PTPRB: variants seen among roughly 807,000 people sequenced by gnomAD.
PTPRB encodes receptor-type tyrosine-protein phosphatase beta.
Under a neutral mutation model 238.1 loss-of-function variants are expected in PTPRB, and 97 were observed. The ratio of observed to expected loss-of-function variants is 0.41; its 90% CI spans 0.35 to 0.48. The LOEUF (loss-of-function observed/expected upper bound fraction) is 0.48, where lower values mean the gene tolerates loss of function less well. PTPRB is among the 20% of genes least tolerant of loss of function. PTPRB has a pLI of 0.30. For missense variants in PTPRB, 2,292 were observed against 2,681.9 expected, an observed-to-expected ratio of 0.85 and a Z score of 3.21; for synonymous variants, 970 against 995.4, an observed-to-expected ratio of 0.97 and a Z score of 0.48.
In PTPRB at chr12:70,538,984, A is replaced by G. The variant is rs1210367873; in HGVS notation, c.5809T>C (p.Cys1937Arg). The change falls in exon 27 of 34, where the codon TGT becomes CGT. Residue 1937 changes from cysteine to arginine, a missense_variant. This residue lies in a region of PTPRB where 397 missense variants were observed against 502.0 expected (regional missense o/e 0.79). Transcript: ENST00000334414. ...ELKDVGRNQS[C>R]DIALLPENRG... is the part of the protein sequence containing the mutation. ...TTCTCCGGCAAGAGTGCAATGTCACATGACTGGTTTCGGCCCACGTCTTTT... is the reference window on the plus strand; with the variant it reads ...TTCTCCGGCAAGAGTGCAATGTCACGTGACTGGTTTCGGCCCACGTCTTTT... The G allele has an allele frequency of 6.2e-7, 1 of 1,613,756 alleles. No homozygotes were observed. The highest frequency in any genetic ancestry group is 8.5e-7 in the Non-Finnish European group (1 of 1,179,842).
intron 9 of PTPRB, among the ~76,000 whole-genome samples, chr12:70,586,723 G>C (rs1881949512): frequency 6.6e-6 from 1 of 152,054 alleles, no homozygotes; most frequent in African/African-American, 2.4e-5. Flanking sequence ...TCCTCTTCTA[G>C]ATGCTGCCCT....
At chr12:70,629,067 G>GA (rs1885327480) in intron 2 of PTPRB, among the ~76,000 whole-genome samples, 1 of 151,444 alleles carries the variant, frequency 6.6e-6, no homozygotes, top group Non-Finnish European at 1.5e-5. Flanking sequence ...ATTTATTCAG[G>GA]AAGAAGAAGT....
At chr12:70,574,839 G>A (rs1214098946) in intron 11 of PTPRB, among the ~76,000 whole-genome samples, 1 of 152,180 alleles carries the variant, frequency 6.6e-6, no homozygotes, top group African/African-American at 2.4e-5. Context: ...AGGATGCACT[G>A]AATAAAGAAT....
chr12:70,537,203 C>T (rs545389366), intron 28 of PTPRB, among the ~76,000 whole-genome samples: 12 of 142,248 alleles, frequency 8.4e-5, no homozygotes, highest in Non-Finnish European at 1.8e-4. Flanking sequence ...AGGAGAATGG[C>T]GTGAACCCGG....
chr12:70,536,872 T>C (rs1181158517), intron 28 of PTPRB, among the ~76,000 whole-genome samples: 2 of 152,208 alleles, frequency 1.3e-5, no homozygotes, highest in African/African-American at 4.8e-5. Context: ...CTGAGCCTTC[T>C]TTTATCTTTC....
chr12:70,590,074 G>A lies in PTPRB; in HGVS notation c.1940C>T (p.Thr647Ile). The A allele has an allele frequency of 6.2e-7, 1 of 1,613,912 alleles. No homozygotes were observed. The change falls in exon 8 of 34, where the codon ACA becomes ATA. Residue 647 changes from threonine to isoleucine, a missense_variant. This residue lies in a region of PTPRB where 1,205 missense variants were observed against 1,287.8 expected (regional missense o/e 0.94). Coordinates refer to ENST00000334414, the MANE Select transcript of PTPRB (RefSeq NM_001109754.4). ...CCCCGTGTCATCCATGACATACTGT[G>A]TTTCTTCCTTTCCCACAGTGATGTT... ...LLNITVGKEE[T>I]QYVMDDTGLV...
Position 70,566,598 on chromosome 12 carries a change from C to T in PTPRB, c.3741G>A (p.Leu1247=), listed in dbSNP as rs1326816586. 5.0e-6 allele frequency: 8 copies of T among 1,613,856 alleles called. No homozygotes were observed. The African/African-American group carries it at 5.3e-5, about 11-fold the overall frequency. ...AAGVAERYDI[L]LLTENGILLR... Reference sequence around the variant, plus strand: ...GAAGGATTCCATTTTCAGTTAGAAGCAGGATATCATATCTTTCTGCCACAC... The same window carrying T: ...GAAGGATTCCATTTTCAGTTAGAAGTAGGATATCATATCTTTCTGCCACAC... The change falls in exon 15 of 34, where the codon CTG becomes CTA. Residue 1247 remains leucine (L), a synonymous_variant. Coordinates refer to ENST00000334414, the MANE Select transcript of PTPRB (RefSeq NM_001109754.4).
intron 2 of PTPRB, among the ~76,000 whole-genome samples, chr12:70,626,377 G>A (rs985724494): frequency 1.4e-5 from 2 of 141,384 alleles, no homozygotes; most frequent in African/African-American, 2.8e-5. Flanking sequence ...ATTCCTGCCT[G>A]CCTGCCTGCC....
chr12:70,567,994 T>G (rs1242113529), intron 14 of PTPRB, among the ~76,000 whole-genome samples: 2 of 152,114 alleles, frequency 1.3e-5, no homozygotes. Context: ...CCGGCCTTTA[T>G]TCTAGTATAC....
At position 70,622,565 on chromosome 12, in the gene PTPRB, G is replaced by A; in HGVS notation, c.533C>T (p.Pro178Leu). ...PQILTTFNAVPDGLVFLIRNT... is the reference protein window; with the variant it reads ...PQILTTFNAVLDGLVFLIRNT... ...CCTAATAAGGAATACCAGGCCATCT[G>A]GAACTGCATTAAAGGTAGTGAGAAT... The change falls in exon 3 of 34, where the codon CCA (proline) becomes CTA (leucine). Residue 178 changes from proline to leucine, a missense_variant. Physicochemically the swap from Pro to Leu is moderately conservative, Grantham distance 98 (BLOSUM62 -3). Coordinates refer to ENST00000334414, the MANE Select transcript of PTPRB (RefSeq NM_001109754.4). 6.2e-7 allele frequency: 1 copy of A among 1,601,390 alleles called. No individual in the cohort carries two copies. The highest frequency in any genetic ancestry group is 8.5e-7 in the Non-Finnish European group (1 of 1,173,360).
At position 70,518,261 on chromosome 12, in the gene PTPRB, C is replaced by T. The variant is rs1871342066; in HGVS notation, c.*3228G>A. ...CAGCCTGGCCAACATGGTGAAACCC[C>T]ATCTCTACTAAAAACACAAAAATTA... On this transcript the variant is annotated 3_prime_UTR_variant, in exon 34 of 34. Transcript: ENST00000334414. 6.6e-6 allele frequency: 1 copy of T among 152,116 alleles called. No homozygotes were observed. Among genetic ancestry groups the T allele is most frequent in the Non-Finnish European group, 1.5e-5 (1 of 68,078 alleles). The allele number at this position is 152,116 out of a possible 1,614,324, so 9.4% of individuals were successfully genotyped here. A position where few individuals can be genotyped will look rare whatever the true frequency, so the allele number is the denominator to read the frequency against.
Position 70,521,063 on chromosome 12 carries a change from A to ATT in PTPRB, c.*424_*425dup, listed in dbSNP as rs1381773308. 1.3e-5 allele frequency: 2 copies of ATT among 155,966 alleles called. No individual in the cohort carries two copies. Among genetic ancestry groups the ATT allele is most frequent in the African/African-American group, 4.8e-5 (2 of 41,534 alleles). The allele number at this position is 155,966 out of a possible 1,614,324, so 9.7% of individuals were successfully genotyped here. ...GCAATGCAGCAAATCTAGCCATAGTATTTGCTCTCTCTAGCCCTGCCCTTT... is the reference window on the plus strand; with the variant it reads ...GCAATGCAGCAAATCTAGCCATAGTATTTTTGCTCTCTCTAGCCCTGCCCTTT... On this transcript the variant is annotated 3_prime_UTR_variant, in exon 34 of 34. Coordinates refer to ENST00000334414, the MANE Select transcript of PTPRB (RefSeq NM_001109754.4).
chr12:70,631,248 C>A (rs975352741), intron 2 of PTPRB, among the ~76,000 whole-genome samples: 2,113 of 152,010 alleles, frequency 0.014, 43 homozygotes, highest in African/African-American at 0.047. Flanking sequence ...CCAATGGAAC[C>A]GAACAGAGCC....
At chr12:70,615,026 C>T (rs546666835) in intron 3 of PTPRB, among the ~76,000 whole-genome samples, 4 of 152,020 alleles carry the variant, frequency 2.6e-5, no homozygotes, top group Admixed American at 2.6e-4. Context: ...TAGGAGAGGG[C>T]GGTTGTAAGG....
chr12:70,531,684 C>T (rs149146652), intron 32 of PTPRB, among the ~76,000 whole-genome samples: 39 of 152,266 alleles, frequency 2.6e-4, no homozygotes, highest in African/African-American at 8.7e-4. Flanking sequence ...AATGGAAGCA[C>T]GTGGTCTTTA....
At chr12:70,544,083 C>A (rs1875590316) in intron 22 of PTPRB, among the ~76,000 whole-genome samples, 1 of 152,134 alleles carries the variant, frequency 6.6e-6, no homozygotes, top group Non-Finnish European at 1.5e-5. Flanking sequence ...TTTAGTACTA[C>A]AAAGTCAACA....
Position 70,541,113 on chromosome 12 carries a change from GA to G in PTPRB, c.5495-157del, listed in dbSNP as rs376984376. The G allele has an allele frequency of 1.5e-3, 937 of 639,448 alleles. 4 individuals are homozygous for G. In the African/African-American group the frequency reaches 0.015, roughly 10 times the overall value. The allele number at this position is 639,448 out of a possible 1,614,324, so 39.6% of individuals were successfully genotyped here. ...GAGGCATTTACTTTCCAAAGGCTCTGAGTATGCACCTAAGAAGATGATGAAA... is the reference window on the plus strand; with the variant it reads ...GAGGCATTTACTTTCCAAAGGCTCTGGTATGCACCTAAGAAGATGATGAAA... On this transcript the variant is annotated intron_variant, in intron 22 of 33. Transcript: ENST00000334414.
intron 18 of PTPRB, 34 bp downstream of exon 18, chr12:70,559,309 A>C: frequency 6.4e-7 from 1 of 1,567,960 alleles, no homozygotes; most frequent in Non-Finnish European, 8.8e-7. Context: ...CCTCTACTCC[A>C]TTTGAGAAAT....
rs1871194506 is a variant in PTPRB at position 70,516,307 on chromosome 12, C to T, written c.*5182G>A. The T allele has an allele frequency of 6.6e-6, 1 of 152,178 alleles. No homozygotes were observed. The highest frequency in any genetic ancestry group is 2.4e-5 in the African/African-American group (1 of 41,444). 9.4% of individuals were successfully genotyped at this position (152,178 alleles called of 1,614,324 possible). A position where few individuals can be genotyped will look rare whatever the true frequency, so the allele number is the denominator to read the frequency against. On this transcript the variant is annotated 3_prime_UTR_variant, in exon 34 of 34. Coordinates refer to ENST00000334414, the MANE Select transcript of PTPRB (RefSeq NM_001109754.4). Reference sequence around the variant, plus strand: ...ATTTCAAGAAGTGTGTGTAGAATGTCTATGAGCTGTGCACTAATTTCCACA... The same window carrying T: ...ATTTCAAGAAGTGTGTGTAGAATGTTTATGAGCTGTGCACTAATTTCCACA...
Sources: allele counts gnomAD v4.1 joint callset (sites outside exome capture counted in the v4.1 genomes callset), GRCh38; gene constraint gnomAD v4.1.1; regional missense constraint gnomAD v4.1.1; transcripts MANE v1.5; gene names NCBI Gene and HGNC (gene_info 2026-07-23, HGNC 2026-07-21).